Variants in CLEC4C observed in about 807,000 individuals in gnomAD.
The protein encoded by CLEC4C is C-type (calcium dependent, carbohydrate-recognition domain) lectin, superfamily member 11.
CLEC4C carries 17 observed loss-of-function variants against 27.7 expected under a neutral mutation model. That is an observed-to-expected ratio of 0.61 (90% confidence interval 0.42 to 0.92). The LOEUF is 0.92. CLEC4C is among the 40% of genes least tolerant of loss of function. The pLI, the probability that CLEC4C is intolerant of heterozygous loss-of-function variation, is 0.00. For missense variants in CLEC4C, 244 were observed against 257.3 expected (o/e 0.95, Z 0.35); for synonymous variants, 80 against 80.8 (o/e 0.99, Z 0.06).
chr12:7,731,022 A>G, intron 4 of CLEC4C, 110 bp from the exon 5 acceptor site: 1 of 576,302 alleles, frequency 1.7e-6, no homozygotes, highest in Non-Finnish European at 3.2e-6. Flanking sequence ...ATGCATTTCA[A>G]GGAAATCACT....
In CLEC4C at chr12:7,747,283, C is replaced by G. The variant is rs1339586403; in HGVS notation, c.31+35G>C. 7 of 1,608,466 alleles carry G rather than the reference C, an allele frequency of 4.4e-6. No homozygotes were observed. In the South Asian group the frequency reaches 7.7e-5, roughly 18 times the overall value. ...TGTTTCCCACTCCATCCTGCTCCTA[C>G]TACCTTCCCTAGAACTGAGAAGATG... On this transcript the variant is annotated intron_variant, in intron 1 of 5. Transcript: ENST00000360345.
intron 4 of CLEC4C, among the ~76,000 whole-genome samples, chr12:7,734,673 C>T (rs764962685): frequency 2.0e-5 from 3 of 151,700 alleles, no homozygotes; most frequent in East Asian, 2.0e-4. Context: ...CTCAGCCTCC[C>T]GAGTAACTGT....
At chr12:7,747,904 A>G (rs370153783), upstream of CLEC4C, among the ~76,000 whole-genome samples, 1 of 130,342 alleles carries the variant, frequency 7.7e-6, no homozygotes, top group Middle Eastern at 4.0e-3. Flanking sequence ...CTGGGCAACA[A>G]GAGCAAAACT....
chr12:7,747,556 G>T, upstream of CLEC4C: 1 of 396,428 alleles, frequency 2.5e-6, no homozygotes, highest in Non-Finnish European at 4.6e-6. Flanking sequence ...CATACATCAT[G>T]TTCAGAAATA....
At chr12:7,735,536 G>T (rs1172183045) in intron 4 of CLEC4C, among the ~76,000 whole-genome samples, 5 of 149,314 alleles carry the variant, frequency 3.3e-5, no homozygotes, top group Non-Finnish European at 5.9e-5. Context: ...GCCAGGCACG[G>T]TGGCTCACGC....
At chr12:7,742,184 AAAATAAATAAAT>A (rs1048944505) in intron 2 of CLEC4C, among the ~76,000 whole-genome samples, 1 of 151,226 alleles carries the variant, frequency 6.6e-6, no homozygotes, top group Non-Finnish European at 1.5e-5. Context: ...CCATCTCAAA[AAAATAAATAAAT>A]AAATAAATAA....
chr12:7,732,028 CTTTT>C (rs1007746436), intron 4 of CLEC4C, among the ~76,000 whole-genome samples: 2 of 151,922 alleles, frequency 1.3e-5, no homozygotes, highest in African/African-American at 4.8e-5. Flanking sequence ...CTTCAGGTCA[CTTTT>C]TTTTCTTTCT....
At chr12:7,739,305 G>A (rs1864801004) in intron 3 of CLEC4C, among the ~76,000 whole-genome samples, 1 of 151,974 alleles carries the variant, frequency 6.6e-6, no homozygotes, top group African/African-American at 2.4e-5. Context: ...TAGAGACGGG[G>A]TTTCACCATG....
Position 7,729,457 on chromosome 12 carries a change from T to C in CLEC4C, c.*139A>G, listed in dbSNP as rs7971867. On this transcript the variant is annotated 3_prime_UTR_variant, in exon 6 of 6. Coordinates refer to ENST00000360345, the MANE Select transcript of CLEC4C (RefSeq NM_001371390.1). The stretch of plus-strand genomic sequence containing the variant: ...ATGAATGTGTGAATGGATTATATCA[T>C]AAGTGTAATAGGTGACAGCCTGCTG... 4.1e-3 allele frequency: 2,742 copies of C among 661,654 alleles called. 59 individuals carry two copies. In the African/African-American group the frequency reaches 0.042, roughly 10 times the overall value. 41.0% of individuals were successfully genotyped at this position (661,654 alleles called of 1,614,324 possible).
At position 7,738,704 on chromosome 12, in the gene CLEC4C, G is replaced by A. The variant is rs1014377320; in HGVS notation, c.236-1130C>T. On this transcript the variant is annotated intron_variant, in intron 3 of 5. Coordinates refer to ENST00000360345, the MANE Select transcript of CLEC4C (RefSeq NM_001371390.1). ...ATTTGTAGAGACAGAGTCTTGCTTC[G>A]TTGCCCAGGCTGATCTGGAACTCCT... Among the ~76,000 whole-genome samples the A allele has an allele frequency of 7.2e-5, 11 of 152,028 alleles. No homozygotes were observed. In the East Asian group the frequency reaches 9.7e-4, roughly 13 times the overall value.
Position 7,739,983 on chromosome 12 carries a change from C to T in CLEC4C, c.235+1438G>A, listed in dbSNP as rs896775011. Among the ~76,000 whole-genome samples the T allele has an allele frequency of 4.6e-5, 7 of 151,570 alleles. No individual in the cohort carries two copies. In the East Asian group the frequency reaches 5.8e-4, roughly 13 times the overall value. The stretch of plus-strand genomic sequence containing the variant: ...CCGAGTTGCTGGGATTACAGGCATG[C>T]GACACCACGCCCGGGTAATTTTGTA... On this transcript the variant is annotated intron_variant, in intron 3 of 5. Transcript: ENST00000360345.
rs114861625 is a variant in CLEC4C at position 7,731,078 on chromosome 12, A to C, written c.382-166T>G. ...ACAGAAAGAGCAGACAGCAAAACAC[A>C]GATAAGACAGCTCAGGCACATAGGG... On this transcript the variant is annotated intron_variant, in intron 4 of 5. Transcript: ENST00000360345. Among the ~76,000 whole-genome samples the C allele has an allele frequency of 7.4e-3, 1,133 of 152,206 alleles. 9 individuals carry two copies. The highest frequency in any genetic ancestry group is 0.026 in the African/African-American group (1,078 of 41,560).
intron 4 of CLEC4C, 73 bp downstream of exon 4, chr12:7,737,356 G>C (rs1330929040): frequency 1.8e-6 from 2 of 1,085,722 alleles, no homozygotes; most frequent in South Asian, 5.5e-5. Context: ...TGAACTTTCA[G>C]GGCAATAAAA....
chr12:7,729,966 T>C (rs1864556791), intron 5 of CLEC4C, among the ~76,000 whole-genome samples: 1 of 152,200 alleles, frequency 6.6e-6, no homozygotes, highest in African/African-American at 2.4e-5. Context: ...GACCTAGTAC[T>C]CTGTCATCTT....
At chr12:7,735,496 C>G (rs1864703134) in intron 4 of CLEC4C, among the ~76,000 whole-genome samples, 1 of 129,886 alleles carries the variant, frequency 7.7e-6, no homozygotes, top group Non-Finnish European at 1.6e-5. Context: ...GAACAAGACT[C>G]TGTCTCAAAG....
intron 4 of CLEC4C, among the ~76,000 whole-genome samples, chr12:7,736,153 C>T (rs1439263881): frequency 2.6e-5 from 4 of 151,914 alleles, no homozygotes; most frequent in Non-Finnish European, 5.9e-5. Context: ...TGTGGTGGCA[C>T]GCACCTGGAG....
chr12:7,739,877 T>G (rs1357022315), intron 3 of CLEC4C, among the ~76,000 whole-genome samples: 2 of 148,930 alleles, frequency 1.3e-5, no homozygotes, highest in Non-Finnish European at 1.5e-5. Context: ...GGAGTTTCAC[T>G]CTTATTGTCC....
At chr12:7,746,056 A>G (rs749611148) in intron 2 of CLEC4C, among the ~76,000 whole-genome samples, 1 of 151,722 alleles carries the variant, frequency 6.6e-6, no homozygotes, top group Non-Finnish European at 1.5e-5. Flanking sequence ...TCTACTAAAA[A>G]TACAAAAAAT....
At chr12:7,743,789 C>T (rs1031766365) in intron 2 of CLEC4C, among the ~76,000 whole-genome samples, 3 of 152,110 alleles carry the variant, frequency 2.0e-5, no homozygotes, top group Admixed American at 2.0e-4. Flanking sequence ...AATTAAATAA[C>T]CATCTTGTAT....
Sources: allele counts gnomAD v4.1 joint callset (sites outside exome capture counted in the v4.1 genomes callset), GRCh38; gene constraint gnomAD v4.1.1; transcripts MANE v1.5; gene names NCBI Gene and HGNC (gene_info 2026-07-23, HGNC 2026-07-21).